Variants in UGT3A1 observed in about 807,000 individuals in gnomAD.
The protein encoded by UGT3A1 is UDP-glycosyltransferase 3A1.
Under a neutral mutation model 37.6 loss-of-function variants are expected in UGT3A1, and 40 were observed. The ratio of observed to expected loss-of-function variants is 1.06; its 90% confidence interval spans 0.83 to 1.38. UGT3A1 has a LOEUF of 1.38. Ranked by LOEUF, UGT3A1 falls within the 40% of genes most tolerant of loss-of-function variation. UGT3A1 has a pLI of 0.00. For synonymous variants in UGT3A1, 256 were observed against 232.3 expected, an observed-to-expected ratio of 1.10 and a Z score of -0.93; for missense variants, 642 against 634.2, an observed-to-expected ratio of 1.01 and a Z score of -0.13.
intron 3 of UGT3A1, 38 bp downstream of exon 3, chr5:35,967,981 A>G: frequency 1.3e-6 from 2 of 1,485,080 alleles, no homozygotes; most frequent in Non-Finnish European, 1.9e-6. Context: ...TATCACTAAA[A>G]TAGTGACTCT....
chr5:35,957,523 C>T (rs1432529822), intron 4 of UGT3A1, 104 bp from the exon 5 acceptor site: 2 of 901,546 alleles, frequency 2.2e-6, no homozygotes, highest in East Asian at 2.6e-5. Context: ...CCCATCAGTG[C>T]CTTGTCTTCA....
At chr5:35,975,485 T>A (rs775237791) in intron 2 of UGT3A1, among the ~76,000 whole-genome samples, 1 of 152,186 alleles carries the variant, frequency 6.6e-6, no homozygotes, top group Admixed American at 6.5e-5. Context: ...AAAGCTACCA[T>A]CCATGCACTT....
At chr5:35,972,518 TG>T (rs1740087154) in intron 2 of UGT3A1, among the ~76,000 whole-genome samples, 1 of 151,660 alleles carries the variant, frequency 6.6e-6, no homozygotes, top group Non-Finnish European at 1.5e-5. Flanking sequence ...TGTGTGTGTG[TG>T]TGTGTGTGTG....
intron 2 of UGT3A1, among the ~76,000 whole-genome samples, chr5:35,972,246 T>C (rs1740072777): frequency 6.6e-6 from 1 of 152,178 alleles, no homozygotes; most frequent in Non-Finnish European, 1.5e-5. Context: ...AGTATGCTTA[T>C]TATCTGCAAT....
rs144315854 is a variant in UGT3A1, at chr5:35,998,100, C to T, written c.-159-771G>A. ...ATGCCTACCTAAAAAAATGAACAACCTGATCCCATCATGTGGACTCCAGAG... is the reference window on the plus strand; with the variant it reads ...ATGCCTACCTAAAAAAATGAACAACTTGATCCCATCATGTGGACTCCAGAG... On this transcript the variant is annotated intron_variant, in intron 1 of 5. Transcript: ENST00000625798. 1.4e-3 allele frequency among the ~76,000 whole-genome samples: 216 copies of T among 152,312 alleles called. 1 individual carries two copies. The highest frequency in any genetic ancestry group is 5.1e-3 in the African/African-American group (211 of 41,562).
At chr5:35,985,826 G>C (rs1580959831) in intron 2 of UGT3A1, among the ~76,000 whole-genome samples, 1 of 152,102 alleles carries the variant, frequency 6.6e-6, no homozygotes, top group Non-Finnish European at 1.5e-5. Flanking sequence ...GACATCAAAA[G>C]TACAGGCAAT....
Position 35,984,606 on chromosome 5 carries a change from G to T in UGT3A1, c.196+3844C>A, listed in dbSNP as rs575270854. The stretch of plus-strand genomic sequence containing the variant: ...TCGTGCCTCAGCCTCCTGAGTACCT[G>T]GGAATACAAGCATGTGCCATCACAC... On this transcript the variant is annotated intron_variant, in intron 2 of 6. Transcript: ENST00000274278. 6.6e-5 allele frequency among the ~76,000 whole-genome samples: 10 copies of T among 151,416 alleles called. No individual in the cohort carries two copies. In the Admixed American group the frequency reaches 6.6e-4, roughly 10 times the overall value.
chr5:35,955,371 AG>A, intron 6 of UGT3A1: 1 of 586,290 alleles, frequency 1.7e-6, no homozygotes, highest in Non-Finnish European at 3.0e-6. Flanking sequence ...ATTCCACTAG[AG>A]GGACTCCCAA....
At chr5:35,981,498 C>T (rs1740521228) in intron 2 of UGT3A1, among the ~76,000 whole-genome samples, 1 of 152,130 alleles carries the variant, frequency 6.6e-6, no homozygotes, top group African/African-American at 2.4e-5. Context: ...GCACTGTGAC[C>T]TTGCTCTAGA....
chr5:35,958,375 G>C (rs961465379), intron 4 of UGT3A1, among the ~76,000 whole-genome samples: 3 of 152,004 alleles, frequency 2.0e-5, no homozygotes, highest in African/African-American at 7.3e-5. Context: ...CAGCATTTTT[G>C]TGACTGTCTC....
chr5:35,958,343 T>C (rs1304621841), intron 4 of UGT3A1, among the ~76,000 whole-genome samples: 1 of 152,298 alleles, frequency 6.6e-6, no homozygotes, highest in African/African-American at 2.4e-5. Context: ...CTTCCAAACA[T>C]TTCTTCAGAC....
At chr5:35,973,599 C>T (rs1740138712) in intron 2 of UGT3A1, among the ~76,000 whole-genome samples, 1 of 152,154 alleles carries the variant, frequency 6.6e-6, no homozygotes, top group Admixed American at 6.5e-5. Flanking sequence ...GATGTAAGGA[C>T]TGCTAACCCA....
At chr5:35,977,898 G>A (rs1740358345) in intron 2 of UGT3A1, among the ~76,000 whole-genome samples, 2 of 152,198 alleles carry the variant, frequency 1.3e-5, no homozygotes, top group Admixed American at 1.3e-4. Flanking sequence ...TGGAAGGTGG[G>A]ATGACACATA....
upstream of UGT3A1, chr5:35,991,637 G>C: frequency 9.9e-7 from 1 of 1,005,516 alleles, no homozygotes; most frequent in Non-Finnish European, 1.2e-6. Context: ...GTCTTTCGTG[G>C]AGCTGTCTGA....
chr5:35,999,646 G>C (rs1028241251), intron 1 of UGT3A1, among the ~76,000 whole-genome samples: 1 of 152,044 alleles, frequency 6.6e-6, no homozygotes, highest in African/African-American at 2.4e-5. Flanking sequence ...ATGAAACCCT[G>C]GTGTAAAAAA....
intron 4 of UGT3A1, among the ~76,000 whole-genome samples, chr5:35,964,530 G>A (rs1739719550): frequency 6.6e-6 from 1 of 152,148 alleles, no homozygotes; most frequent in Non-Finnish European, 1.5e-5. Flanking sequence ...ATCAGGGAAG[G>A]AAGAACAGTC....
intron 4 of UGT3A1, among the ~76,000 whole-genome samples, chr5:35,960,521 G>A (rs1739538103): frequency 1.3e-5 from 2 of 152,208 alleles, no homozygotes; most frequent in African/African-American, 4.8e-5. Context: ...GGGGGAGCAT[G>A]CAGACGGGCA....
At chr5:35,991,395 G>A (rs1740948444), upstream of UGT3A1, 19 of 1,464,212 alleles carry the variant, frequency 1.3e-5, 1 homozygote, top group South Asian at 2.9e-5. Context: ...CCTTCTGTTC[G>A]TTCTCTTTCC....
chr5:35,971,699 G>A (rs143609902), intron 2 of UGT3A1, among the ~76,000 whole-genome samples: 162 of 152,174 alleles, frequency 1.1e-3, no homozygotes, highest in African/African-American at 3.7e-3. Flanking sequence ...AAGAAGGCAG[G>A]CTCCCTCCCT....
Sources: gnomAD v4.1 joint callset for allele counts (sites outside exome capture counted in the v4.1 genomes callset) on GRCh38, gnomAD v4.1.1 for gene constraint, MANE v1.5 for transcripts, NCBI Gene and HGNC (gene_info 2026-07-23, HGNC 2026-07-21) for gene names.